Variants in ITGA1 observed in about 807,000 individuals in gnomAD.
ITGA1 encodes integrin alpha-1.
ITGA1 carries 85 observed loss-of-function variants against 145.9 expected under a neutral mutation model. The observed-to-expected ratio is 0.58, with a 90% CI of 0.49 to 0.70. The LOEUF is 0.70. ITGA1 is among the 30% of genes least tolerant of loss of function. The pLI, the probability that ITGA1 is intolerant of heterozygous loss-of-function variation, is 0.00. For missense variants in ITGA1, 1,351 were observed against 1,418.7 expected (o/e 0.95, Z 0.77); for synonymous variants, 520 against 495.3 (o/e 1.05, Z -0.66).
At chr5:52,805,854 A>G (rs1009852530) in intron 1 of ITGA1, among the ~76,000 whole-genome samples, 5 of 152,080 alleles carry the variant, frequency 3.3e-5, no homozygotes, top group South Asian at 4.2e-4. Flanking sequence ...TGTGGCATCA[A>G]TTTTGCAGTT....
At chr5:52,801,647 A>G in intron 1 of ITGA1, 1 of 1,614,134 alleles carries the variant, frequency 6.2e-7, no homozygotes. Context: ...AGGCATCAGG[A>G]TGTAGCCACA....
intron 1 of ITGA1, among the ~76,000 whole-genome samples, chr5:52,834,560 G>GAGAA (rs1554042404): frequency 7.7e-6 from 1 of 130,690 alleles, no homozygotes; most frequent in South Asian, 2.4e-4. Context: ...GAAAGAGAGA[G>GAGAA]AGAAAGAGAG....
At chr5:52,903,078 T>G (rs910775084) in intron 11 of ITGA1, 2 of 152,158 alleles carry the variant, frequency 1.3e-5, no homozygotes, top group Non-Finnish European at 2.9e-5. Flanking sequence ...TCAGCTAATA[T>G]TTTTAGTTAT....
intron 1 of ITGA1, among the ~76,000 whole-genome samples, chr5:52,845,463 C>A (rs1259117618): frequency 6.6e-6 from 1 of 152,048 alleles, no homozygotes; most frequent in African/African-American, 2.4e-5. Context: ...TGGATAGGGC[C>A]TGAGGTTCTG....
At chr5:52,868,084 G>T (rs1380164777) in intron 6 of ITGA1, among the ~76,000 whole-genome samples, 1 of 151,954 alleles carries the variant, frequency 6.6e-6, no homozygotes, top group Non-Finnish European at 1.5e-5. Flanking sequence ...CCCATGATGT[G>T]CTTTCTTTCC....
intron 2 of ITGA1, among the ~76,000 whole-genome samples, chr5:52,856,806 A>G (rs942562577): frequency 2.6e-5 from 4 of 152,152 alleles, no homozygotes; most frequent in African/African-American, 9.7e-5. Context: ...TTAAAGCAGC[A>G]ATGGTCTATA....
intron 1 of ITGA1, among the ~76,000 whole-genome samples, chr5:52,823,999 A>G (rs1185392004): frequency 6.6e-6 from 1 of 152,226 alleles, no homozygotes; most frequent in Non-Finnish European, 1.5e-5. Flanking sequence ...TCTAGCTTGA[A>G]GAAAATGGGC....
rs79848047 is a variant in ITGA1, at chr5:52,795,631, T to G, written c.61+7217T>G. ...CCCCAAAGATTATCCATCAGTCAAC[T>G]CTACCAAACCAGTTATTTTTCCAAG... On this transcript the variant is annotated intron_variant, in intron 1 of 28. Transcript: ENST00000282588. Among the ~76,000 whole-genome samples the G allele has an allele frequency of 4.2e-3, 640 of 152,070 alleles. 2 individuals carry two copies. The highest frequency in any genetic ancestry group is 7.1e-3 in the Non-Finnish European group (482 of 67,834).
chr5:52,904,345 C>T (rs1028096758), intron 11 of ITGA1: 1 of 152,178 alleles, frequency 6.6e-6, no homozygotes, highest in African/African-American at 2.4e-5. Flanking sequence ...TCCACCCCCA[C>T]TATCGCACCC....
intron 1 of ITGA1, among the ~76,000 whole-genome samples, chr5:52,817,051 C>G (rs1321804514): frequency 6.6e-6 from 1 of 152,154 alleles, no homozygotes; most frequent in African/African-American, 2.4e-5. Flanking sequence ...AGTTTAAAAC[C>G]ATTCAAACTT....
At position 52,893,657 on chromosome 5, in the gene ITGA1, G is replaced by A. The variant is rs781716937; in HGVS notation, c.925-18G>A. The A allele has an allele frequency of 1.6e-5, 26 of 1,599,320 alleles. No homozygotes were observed. Among genetic ancestry groups the A allele is most frequent in the South Asian group, 1.2e-4 (11 of 88,756 alleles). On this transcript the variant is annotated intron_variant, in intron 8 of 28. Coordinates refer to ENST00000282588, the MANE Select transcript of ITGA1 (RefSeq NM_181501.2). ...ATAGAATTTAAAATATATTCTTGCT[G>A]TTTCTGTTGTGTCTTAGATTCTTGG...
intron 14 of ITGA1, among the ~76,000 whole-genome samples, chr5:52,913,880 A>G (rs1386204805): frequency 2.6e-5 from 4 of 152,188 alleles, no homozygotes; most frequent in African/African-American, 9.7e-5. Context: ...TATCCATTTG[A>G]TAAATAATTT....
chr5:52,915,989 G>A (rs1750641083), intron 15 of ITGA1, among the ~76,000 whole-genome samples: 4 of 152,116 alleles, frequency 2.6e-5, no homozygotes, highest in African/African-American at 2.4e-5. Context: ...ACAGATAATC[G>A]CGTAGCACTC....
Position 52,913,912 on chromosome 5 carries a change from G to A in ITGA1, c.1858-1552G>A, listed in dbSNP as rs183305294. 1.1e-3 allele frequency among the ~76,000 whole-genome samples: 166 copies of A among 152,192 alleles called. 1 individual carries two copies. Among genetic ancestry groups the A allele is most frequent in the Non-Finnish European group, 1.5e-3 (102 of 68,000 alleles). On this transcript the variant is annotated intron_variant, in intron 14 of 28. Transcript: ENST00000282588. ...ATTTGTTTCTGTTGAAAATCTTTAT[G>A]GCATTATTTACTTAACAAGAGACAG...
intron 1 of ITGA1, among the ~76,000 whole-genome samples, chr5:52,823,399 T>C (rs1748910341): frequency 6.6e-6 from 1 of 152,034 alleles, no homozygotes. Flanking sequence ...AGAGATGGGG[T>C]TTTGCTCTGT....
rs113885103 is a variant in ITGA1, at chr5:52,947,218, A to G, written c.3379-127A>G. 2.6e-3 allele frequency: 1,541 copies of G among 603,628 alleles called. 28 individuals carry two copies. In the African/African-American group the frequency reaches 0.026, roughly 10 times the overall value. The allele number at this position is 603,628 out of a possible 1,614,324, so 37.4% of individuals were successfully genotyped here. Reference sequence around the variant, plus strand: ...GAAGAGCATTTTCTAATGTAAATCTAATGTTTTCTCATTATATAGTAACGA... The same window carrying G: ...GAAGAGCATTTTCTAATGTAAATCTGATGTTTTCTCATTATATAGTAACGA... On this transcript the variant is annotated intron_variant, in intron 27 of 28. Transcript: ENST00000282588.
intron 9 of ITGA1, among the ~76,000 whole-genome samples, chr5:52,894,520 C>CA (rs796541284): frequency 0.01 from 1,520 of 145,846 alleles, 15 homozygotes; most frequent in African/African-American, 0.035. Context: ...TCCTAAAAAA[C>CA]AAAAAAAAAA....
chr5:52,905,784 C>T lies in ITGA1; in HGVS notation c.1331C>T (p.Thr444Ile). Residue 444 changes from threonine to isoleucine, a missense_variant, in exon 12 of 29, where the codon ACT (threonine) becomes ATT (isoleucine). Transcript: ENST00000282588. ...SYLGYTVNSA[T>I]ASSGDVLYIA... Reference sequence around the variant, plus strand: ...TTAGGTTACACTGTAAACTCTGCTACTGCTTCTTCTGGAGATGTGCTCTAT... The same window carrying T: ...TTAGGTTACACTGTAAACTCTGCTATTGCTTCTTCTGGAGATGTGCTCTAT... 3 of 1,613,418 alleles carry T rather than the reference C, an allele frequency of 1.9e-6. No homozygotes were observed. Among genetic ancestry groups the T allele is most frequent in the Non-Finnish European group, 2.5e-6 (3 of 1,179,604 alleles).
chr5:52,880,370 A>C (rs553158280), intron 6 of ITGA1, among the ~76,000 whole-genome samples: 38 of 152,210 alleles, frequency 2.5e-4, no homozygotes, highest in Non-Finnish European at 1.3e-4. Context: ...ATAAGGACAT[A>C]ATTGCTCCAA....
Sources: allele counts gnomAD v4.1 joint callset (sites outside exome capture counted in the v4.1 genomes callset), GRCh38; gene constraint gnomAD v4.1.1; transcripts MANE v1.5; gene names NCBI Gene and HGNC (gene_info 2026-07-23, HGNC 2026-07-21).